RANBP2: variants seen among roughly 807,000 people sequenced by gnomAD.
RANBP2 encodes E3 SUMO-protein ligase RanBP2.
Under a neutral mutation model 303.6 loss-of-function variants are expected in RANBP2, and 57 were observed. That is an observed-to-expected ratio of 0.19 (90% CI 0.15 to 0.23). The LOEUF is 0.23. Ranked by LOEUF, RANBP2 falls within the 10% of genes least tolerant of loss-of-function variation. The pLI, the probability that RANBP2 is intolerant of heterozygous loss-of-function variation, is 1.00. For missense variants in RANBP2, 3,138 were observed against 3,780.8 expected (o/e 0.83, Z 4.46); for synonymous variants, 1,167 against 1,301.5 (o/e 0.90, Z 2.23).
chr2:108,874,097 A>G, the RANBP2 span, among the ~76,000 whole-genome samples: 2 of 152,208 alleles, frequency 1.3e-5, no homozygotes, highest in Non-Finnish European at 2.9e-5. Flanking sequence ...AGCAGTTTTT[A>G]GCAACCAAGT....
the RANBP2 span, among the ~76,000 whole-genome samples, chr2:109,496,681 A>T: frequency 5.3e-5 from 8 of 152,036 alleles, no homozygotes; most frequent in East Asian, 1.2e-3. Context: ...GCGTTCCTTG[A>T]TCTGATCCAT....
the RANBP2 span, among the ~76,000 whole-genome samples, chr2:109,539,579 G>C: frequency 6.6e-6 from 1 of 151,972 alleles, no homozygotes; most frequent in African/African-American, 2.4e-5. Context: ...AGGTAGCTGA[G>C]GCTACAAGCA....
At chr2:109,271,564 T>G in the RANBP2 span, among the ~76,000 whole-genome samples, 1 of 152,306 alleles carries the variant, frequency 6.6e-6, no homozygotes, top group Admixed American at 6.5e-5. Context: ...ATAGTCAAGT[T>G]GTAACTATGG....
At chr2:108,965,877 C>T in the RANBP2 span, among the ~76,000 whole-genome samples, 3 of 151,948 alleles carry the variant, frequency 2.0e-5, no homozygotes, top group East Asian at 1.9e-4. Flanking sequence ...TTCTGTGCTC[C>T]CCCCTCTCCC....
the RANBP2 span, chr2:108,912,856 T>C: frequency 6.5e-6 from 7 of 1,073,776 alleles, no homozygotes; most frequent in African/African-American, 1.6e-5. Context: ...TTCATGATCA[T>C]GAATGGGCCT....
At chr2:109,181,611 C>A in the RANBP2 span, among the ~76,000 whole-genome samples, 1 of 152,290 alleles carries the variant, frequency 6.6e-6, no homozygotes, top group African/African-American at 2.4e-5. Context: ...TTTACCTTCC[C>A]CTCCAGCATA....
the RANBP2 span, among the ~76,000 whole-genome samples, chr2:108,857,864 GAAAT>G: frequency 2.0e-5 from 3 of 152,180 alleles, no homozygotes; most frequent in South Asian, 6.2e-4. Flanking sequence ...TCATTAGAAA[GAAAT>G]CTTTCTGAAT....
the RANBP2 span, chr2:108,876,324 C>T: frequency 1.7e-5 from 14 of 824,254 alleles, 1 homozygote; most frequent in African/African-American, 1.0e-4. Context: ...AAAGTAACTA[C>T]AATTCTACCA....
chr2:109,203,547 G>C, the RANBP2 span, among the ~76,000 whole-genome samples: 1 of 152,168 alleles, frequency 6.6e-6, no homozygotes, highest in East Asian at 1.9e-4. Flanking sequence ...TGCATTTGGA[G>C]CCCTCTGGGA....
the RANBP2 span, among the ~76,000 whole-genome samples, chr2:109,462,018 C>A: frequency 6.6e-6 from 1 of 151,996 alleles, no homozygotes; most frequent in South Asian, 2.1e-4. Context: ...TGCCCCCACA[C>A]CACCAAACCC....
At chr2:108,941,506 C>G in the RANBP2 span, among the ~76,000 whole-genome samples, 2 of 152,178 alleles carry the variant, frequency 1.3e-5, no homozygotes, top group African/African-American at 2.4e-5. Flanking sequence ...TCCTGGCGAC[C>G]CTTCCTGACC....
intron 25 of RANBP2, among the ~76,000 whole-genome samples, 166 bp downstream of exon 25, chr2:108,777,397 C>T (rs915408420): frequency 1.3e-4 from 19 of 141,516 alleles, no homozygotes; most frequent in African/African-American, 3.5e-4. Context: ...TATTTTTTGA[C>T]GTCAATATAA....
the RANBP2 span, among the ~76,000 whole-genome samples, chr2:108,872,554 G>A: frequency 1.3e-5 from 2 of 152,086 alleles, no homozygotes; most frequent in African/African-American, 4.8e-5. Flanking sequence ...AAGTTAAAAT[G>A]AACAGAACTT....
chr2:109,289,997 G>C, the RANBP2 span, among the ~76,000 whole-genome samples: 4 of 152,180 alleles, frequency 2.6e-5, no homozygotes, highest in Non-Finnish European at 5.9e-5. Flanking sequence ...CAGACCACTG[G>C]GGGGACCTTG....
chr2:109,241,907 A>G, the RANBP2 span, among the ~76,000 whole-genome samples: 1 of 151,662 alleles, frequency 6.6e-6, no homozygotes, highest in Non-Finnish European at 1.5e-5. Flanking sequence ...CTGGGACTAC[A>G]GGGGCCCACC....
the RANBP2 span, among the ~76,000 whole-genome samples, chr2:109,455,473 G>A: frequency 6.6e-6 from 1 of 152,194 alleles, no homozygotes; most frequent in East Asian, 1.9e-4. Flanking sequence ...GAGTCTGTGG[G>A]ACACATGTGT....
chr2:109,290,182 G>A, the RANBP2 span, among the ~76,000 whole-genome samples: 4 of 152,280 alleles, frequency 2.6e-5, no homozygotes, highest in Admixed American at 1.3e-4. Context: ...TTCTTTGTCC[G>A]GGTGGCTTAG....
chr2:109,306,102 G>A, the RANBP2 span, among the ~76,000 whole-genome samples: 5 of 152,186 alleles, frequency 3.3e-5, no homozygotes, highest in African/African-American at 7.2e-5. Flanking sequence ...TCTACCTCAC[G>A]CTAAAGTTGT....
At chr2:109,338,127 A>T in the RANBP2 span, among the ~76,000 whole-genome samples, 5 of 152,168 alleles carry the variant, frequency 3.3e-5, no homozygotes, top group Admixed American at 6.5e-5. Flanking sequence ...TAGCTTCCCG[A>T]GTCGGAAGTT....
Sources: gnomAD v4.1 joint callset for allele counts (sites outside exome capture counted in the v4.1 genomes callset) on GRCh38, gnomAD v4.1.1 for gene constraint, MANE v1.5 for transcripts, NCBI Gene and HGNC (gene_info 2026-07-23, HGNC 2026-07-21) for gene names.